The following ATP8B4 variants were observed in gnomAD, a reference collection of about 807,000 sequenced individuals.
The protein encoded by ATP8B4 is probable phospholipid-transporting ATPase IM.
In ATP8B4, 133 loss-of-function variants were observed where a neutral mutation model predicts 145.6. That is an observed-to-expected ratio of 0.91 (90% CI 0.79 to 1.05). The LOEUF (loss-of-function observed/expected upper bound fraction) is 1.05. ATP8B4 is among the 50% of genes least tolerant of loss of function. The pLI, the probability that ATP8B4 is intolerant of heterozygous loss-of-function variation, is 0.00. For missense variants in ATP8B4, 1,458 were observed against 1,425.2 expected (o/e 1.02, Z -0.37); for synonymous variants, 507 against 492.9 (o/e 1.03, Z -0.38).
intron 1 of ATP8B4, among the ~76,000 whole-genome samples, chr15:50,179,801 T>C (rs1307856148): frequency 1.3e-5 from 2 of 152,230 alleles, no homozygotes; most frequent in Non-Finnish European, 2.9e-5. Context: ...ACCTTGATCT[T>C]AGACTTGCCT....
At chr15:49,876,552 A>G in intron 24 of ATP8B4, 29 bp from the exon 25 acceptor site, 1 of 1,613,010 alleles carries the variant, frequency 6.2e-7, no homozygotes, top group Non-Finnish European at 8.5e-7. Context: ...TTCAGTGGAG[A>G]AGGATTAAAA....
intron 3 of ATP8B4, among the ~76,000 whole-genome samples, chr15:50,064,798 T>A (rs886161641): frequency 6.6e-6 from 1 of 152,152 alleles, no homozygotes; most frequent in South Asian, 2.1e-4. Context: ...CTTGCAATCA[T>A]GGCAGAAGGC....
intron 3 of ATP8B4, among the ~76,000 whole-genome samples, chr15:50,073,003 TATATATATATATATATACACACACAC>T (rs1567306537): frequency 1.7e-5 from 1 of 59,926 alleles, no homozygotes; most frequent in East Asian, 6.0e-4. Flanking sequence ...TATATATATA[TATATATATATATATATACACACACAC>T]ACACACACAC....
intron 12 of ATP8B4, among the ~76,000 whole-genome samples, chr15:49,975,862 G>A (rs4143620): frequency 0.054 from 8,235 of 151,896 alleles, 471 homozygotes; most frequent in East Asian, 0.29. Flanking sequence ...TCAGTTTCAC[G>A]TCTTTGTAAT....
At chr15:49,897,616 G>A (rs2037551035) in intron 22 of ATP8B4, 101 bp from the exon 23 acceptor site, 1 of 1,002,930 alleles carries the variant, frequency 1.0e-6, no homozygotes, top group Non-Finnish European at 1.4e-6. Context: ...TACAGCCATT[G>A]CAATTATAAT....
At chr15:49,868,986 G>A (rs2033258703) in intron 25 of ATP8B4, among the ~76,000 whole-genome samples, 2 of 152,120 alleles carry the variant, frequency 1.3e-5, no homozygotes, top group African/African-American at 4.8e-5. Context: ...TTGGCTCATG[G>A]CGACCTCTGC....
chr15:50,045,048 A>G (rs369732173), intron 4 of ATP8B4, among the ~76,000 whole-genome samples: 29 of 152,162 alleles, frequency 1.9e-4, no homozygotes, highest in African/African-American at 7.0e-4. Flanking sequence ...ACCAATTCCC[A>G]AAGAGAGATT....
At chr15:49,909,157 G>A (rs562151185) in intron 20 of ATP8B4, among the ~76,000 whole-genome samples, 1 of 152,144 alleles carries the variant, frequency 6.6e-6, no homozygotes, top group South Asian at 2.1e-4. Flanking sequence ...CCCCACCCCA[G>A]TACTTGAGCA....
chr15:50,065,819 T>G (rs2153628059), intron 3 of ATP8B4, among the ~76,000 whole-genome samples: 1 of 152,140 alleles, frequency 6.6e-6, no homozygotes, highest in Middle Eastern at 3.4e-3. Context: ...GCCAAATCTG[T>G]TTTTTTAACT....
intron 20 of ATP8B4, among the ~76,000 whole-genome samples, chr15:49,911,360 C>T (rs368574568): frequency 6.6e-6 from 1 of 151,952 alleles, no homozygotes; most frequent in Non-Finnish European, 1.5e-5. Flanking sequence ...CAAAAGCAAA[C>T]AGGAGTAGCT....
intron 1 of ATP8B4, among the ~76,000 whole-genome samples, chr15:50,170,203 A>C (rs2044650864): frequency 6.6e-6 from 1 of 152,218 alleles, no homozygotes; most frequent in African/African-American, 2.4e-5. Context: ...CATCACAAAA[A>C]GATCTTCACC....
chr15:50,074,071 A>G, intron 3 of ATP8B4, 56 bp downstream of exon 3: 1 of 1,469,176 alleles, frequency 6.8e-7, no homozygotes, highest in East Asian at 2.3e-5. Context: ...CATGCATCCC[A>G]CTGTCTTTAG....
At chr15:50,135,196 G>C (rs1287080782) in intron 1 of ATP8B4, among the ~76,000 whole-genome samples, 1 of 152,120 alleles carries the variant, frequency 6.6e-6, no homozygotes, top group Non-Finnish European at 1.5e-5. Context: ...AGATATGAGT[G>C]TGACACATCA....
At chr15:49,875,242 G>T (rs2034229838) in intron 25 of ATP8B4, among the ~76,000 whole-genome samples, 3 of 152,136 alleles carry the variant, frequency 2.0e-5, no homozygotes, top group African/African-American at 7.2e-5. Flanking sequence ...TTTTCTATTT[G>T]CTGCTTCTTC....
chr15:50,145,904 T>C (rs1014049147), intron 1 of ATP8B4, among the ~76,000 whole-genome samples: 3 of 152,120 alleles, frequency 2.0e-5, no homozygotes, highest in Non-Finnish European at 4.4e-5. Flanking sequence ...ACTAATGGGA[T>C]TGATTACCTA....
chr15:49,932,052 T>A (rs1373211278), intron 15 of ATP8B4, among the ~76,000 whole-genome samples: 1 of 151,504 alleles, frequency 6.6e-6, no homozygotes, highest in East Asian at 1.9e-4. Context: ...AAAATTATAT[T>A]ATATTTATAT....
intron 16 of ATP8B4, among the ~76,000 whole-genome samples, chr15:49,925,937 A>G (rs8028624): frequency 0.019 from 2,835 of 152,284 alleles, 93 homozygotes; most frequent in African/African-American, 0.066. Context: ...TCACGATAAC[A>G]TATGGCCAGA....
At chr15:50,171,337 T>A (rs1220836466) in intron 1 of ATP8B4, among the ~76,000 whole-genome samples, 3 of 152,172 alleles carry the variant, frequency 2.0e-5, no homozygotes, top group African/African-American at 4.8e-5. Context: ...TTTAAAAAAA[T>A]TGAAATTATA....
At chr15:50,152,125 G>C (rs1378416182) in intron 1 of ATP8B4, among the ~76,000 whole-genome samples, 2 of 151,942 alleles carry the variant, frequency 1.3e-5, no homozygotes, top group Non-Finnish European at 2.9e-5. Flanking sequence ...ATTATATTTA[G>C]TTCATTAAAG....
Sources: allele counts gnomAD v4.1 joint callset (sites outside exome capture counted in the v4.1 genomes callset), GRCh38; gene constraint gnomAD v4.1.1; transcripts MANE v1.5; gene names NCBI Gene and HGNC (gene_info 2026-07-23, HGNC 2026-07-21).